ORC2: variants seen among roughly 807,000 people sequenced by gnomAD.
ORC2 encodes the protein origin recognition complex protein 2 homolog.
A neutral mutation model predicts 77.7 loss-of-function variants in ORC2; 37 were observed. That is an observed-to-expected ratio of 0.48 (90% CI 0.37 to 0.63). The LOEUF (loss-of-function observed/expected upper bound fraction) is 0.63, where lower values mean the gene tolerates loss of function less well. ORC2 is among the 20% of genes least tolerant of loss of function. ORC2 has a pLI of 0.00. For missense variants in ORC2, 557 were observed against 661.9 expected (o/e 0.84, Z 1.74); for synonymous variants, 201 against 229.5 (o/e 0.88, Z 1.12).
At chr2:200,913,261 C>A in intron 17 of ORC2, 34 bp downstream of exon 17, 1 of 1,479,570 alleles carries the variant, frequency 6.8e-7, no homozygotes, top group South Asian at 1.2e-5. Flanking sequence ...ACGGACTATT[C>A]CTGGCATACA....
chr2:200,934,368 G>A (rs2040995996), intron 9 of ORC2, among the ~76,000 whole-genome samples: 1 of 151,558 alleles, frequency 6.6e-6, no homozygotes, highest in African/African-American at 2.4e-5. Context: ...AGGCTGCAGT[G>A]TAGTGGTGCA....
chr2:200,949,922 T>C, intron 4 of ORC2, among the ~76,000 whole-genome samples: 1 of 152,210 alleles, frequency 6.6e-6, no homozygotes, highest in Non-Finnish European at 1.5e-5. Flanking sequence ...CAATTCCTAG[T>C]AACAGTTGTC....
At chr2:200,949,716 A>C in intron 4 of ORC2, 73 bp from the exon 5 acceptor site, 1 of 840,054 alleles carries the variant, frequency 1.2e-6, no homozygotes. Flanking sequence ...TAACAAAAAA[A>C]CTTAAGATTT....
intron 16 of ORC2, 110 bp from the exon 17 acceptor site, chr2:200,913,523 G>C: frequency 7.1e-7 from 1 of 1,405,942 alleles, no homozygotes; most frequent in Non-Finnish European, 9.3e-7. Flanking sequence ...TGTTATCCCA[G>C]AGCAGTGAAC....
intron 5 of ORC2, among the ~76,000 whole-genome samples, chr2:200,944,228 C>A (rs989276167): frequency 1.3e-5 from 2 of 151,752 alleles, no homozygotes; most frequent in African/African-American, 4.8e-5. Flanking sequence ...GGCTGGAGTG[C>A]AGTGGTGCGA....
At chr2:200,936,832 A>G (rs748094305) in intron 8 of ORC2, among the ~76,000 whole-genome samples, 6 of 152,224 alleles carry the variant, frequency 3.9e-5, no homozygotes, top group Non-Finnish European at 8.8e-5. Context: ...TCAAATAAGA[A>G]TAAAGCCAGT....
At chr2:200,918,941 GC>G (rs1176372330) in intron 15 of ORC2, among the ~76,000 whole-genome samples, 1 of 151,986 alleles carries the variant, frequency 6.6e-6, no homozygotes, top group East Asian at 1.9e-4. Flanking sequence ...CGCAATCTCG[GC>G]TCCCTTCAGC....
chr2:200,926,869 C>T lies in ORC2; in HGVS notation c.949G>A (p.Gly317Ser), dbSNP rs771728989. Residue 317 changes from glycine (G) to serine (S), a missense_variant, in exon 12 of 18, where the codon GGT becomes AGT. Transcript: ENST00000234296. ...LGFNIVLYGL[G>S]SKRDLLERFR... is the part of the protein sequence containing the mutation. ...CTTTCTAGTAAATCTCTCTTAGAAC[C>T]CAAACCATAAAGCACAATGTTGAAC... The T allele has an allele frequency of 6.2e-7, 1 of 1,613,792 alleles. No homozygotes were observed. The highest frequency in any genetic ancestry group is 1.3e-5 in the African/African-American group (1 of 74,890).
intron 11 of ORC2, among the ~76,000 whole-genome samples, chr2:200,929,548 T>C (rs1399084537): frequency 1.3e-5 from 2 of 152,160 alleles, no homozygotes; most frequent in Non-Finnish European, 2.9e-5. Flanking sequence ...CCCAGCAGTT[T>C]TGGAAGCCAA....
At chr2:200,931,665 A>G (rs1268919666) in intron 10 of ORC2, among the ~76,000 whole-genome samples, 1 of 152,206 alleles carries the variant, frequency 6.6e-6, no homozygotes, top group Non-Finnish European at 1.5e-5. Context: ...TTTAGTAATA[A>G]CAGTAAAGAA....
intron 4 of ORC2, among the ~76,000 whole-genome samples, chr2:200,954,904 G>GAATAAATAAATAAATAAATAAATAAATA (rs66473778): frequency 1.4e-5 from 2 of 144,628 alleles, no homozygotes; most frequent in Non-Finnish European, 3.0e-5. Context: ...ATGAATGAAT[G>GAATAAATAAATAAATAAATAAATAAATA]AATAAATAAA....
rs1287128095 is a variant in ORC2 at position 200,920,383 on chromosome 2, A to G, written c.1305T>C (p.His435=). ...DHLNAPLMWD[H]AKQSLFNWLW... The stretch of plus-strand genomic sequence containing the variant: ...GCCAGTTAAAAAGACTCTGCTTTGC[A>G]TGATCCCACACTAGCACATGATCAA... The change falls in exon 15 of 18, where the codon CAT becomes CAC. Residue 435 remains histidine, a synonymous_variant. Coordinates refer to ENST00000234296, the MANE Select transcript of ORC2 (RefSeq NM_006190.5). 1.3e-6 allele frequency: 2 copies of G among 1,599,038 alleles called. No individual in the cohort carries two copies. The highest frequency in any genetic ancestry group is 2.2e-5 in the East Asian group (1 of 44,736).
At position 200,936,086 on chromosome 2, in the gene ORC2, T is replaced by C. The variant is rs578078157; in HGVS notation, c.515-194A>G. ...TATTTATCAAATTAATAGTACATAGTTTAATAAACCATTAGGAAGATTACA... is the reference window on the plus strand; with the variant it reads ...TATTTATCAAATTAATAGTACATAGCTTAATAAACCATTAGGAAGATTACA... On this transcript the variant is annotated intron_variant, in intron 8 of 17. Coordinates refer to ENST00000234296, the MANE Select transcript of ORC2 (RefSeq NM_006190.5). Among the ~76,000 whole-genome samples, 3 of 152,310 alleles carry C rather than the reference T, an allele frequency of 2.0e-5. No individual in the cohort carries two copies. In the South Asian group the frequency reaches 6.2e-4, roughly 32 times the overall value.
intron 3 of ORC2, among the ~76,000 whole-genome samples, chr2:200,957,748 A>G (rs566345038): frequency 7.9e-5 from 12 of 151,924 alleles, no homozygotes; most frequent in Admixed American, 6.5e-5. Context: ...TTGAAAGTAT[A>G]TATTTTTAGG....
chr2:200,942,546 T>C (rs573345445), intron 6 of ORC2, 139 bp downstream of exon 6: 78 of 502,888 alleles, frequency 1.6e-4, no homozygotes, highest in Non-Finnish European at 2.0e-4. Context: ...TGAGTTGAAA[T>C]ATTAATTGCA....
Position 200,926,990 on chromosome 2 carries a change from TA to T in ORC2, c.918-91del. 3.6e-6 allele frequency: 5 copies of T among 1,371,220 alleles called. No homozygotes were observed. In the South Asian group the frequency reaches 5.1e-5, roughly 14 times the overall value. 84.9% of individuals were successfully genotyped at this position (1,371,220 alleles called of 1,614,324 possible). A position where few individuals can be genotyped will look rare whatever the true frequency, so the allele number is the denominator to read the frequency against. ...AACCAGTTTCCTTAAATTCAGTTTA[TA>T]AAAAATACAGGAAAGGGGTAGGCGC... On this transcript the variant is annotated intron_variant, in intron 11 of 17. Transcript: ENST00000234296.
chr2:200,921,168 T>A, intron 13 of ORC2, 29 bp from the exon 14 acceptor site: 1 of 1,459,126 alleles, frequency 6.9e-7, no homozygotes, highest in Non-Finnish European at 9.3e-7. Flanking sequence ...CAATTATTAT[T>A]ATTATTATTT....
At position 200,911,104 on chromosome 2, in the gene ORC2, G is replaced by A; in HGVS notation, c.*197C>T. 2.2e-6 allele frequency: 1 copy of A among 446,306 alleles called. No individual in the cohort carries two copies. The highest frequency in any genetic ancestry group is 4.0e-6 in the Non-Finnish European group (1 of 247,742). 27.6% of individuals were successfully genotyped at this position (446,306 alleles called of 1,614,324 possible). ...AAAGGCACATTTTCTCCAACTTGAG[G>A]ACCGCTGCATAGTACTAGACGGTAC... On this transcript the variant is annotated 3_prime_UTR_variant, in exon 18 of 18. Coordinates refer to ENST00000234296, the MANE Select transcript of ORC2 (RefSeq NM_006190.5).
chr2:200,937,704 T>C (rs1256345324), intron 8 of ORC2, among the ~76,000 whole-genome samples: 1 of 152,230 alleles, frequency 6.6e-6, no homozygotes, highest in Non-Finnish European at 1.5e-5. Flanking sequence ...TTAAAAGGCA[T>C]GTTATTTCAT....
Sources: allele counts gnomAD v4.1 joint callset (sites outside exome capture counted in the v4.1 genomes callset), GRCh38; gene constraint gnomAD v4.1.1; transcripts MANE v1.5; gene names NCBI Gene and HGNC (gene_info 2026-07-23, HGNC 2026-07-21).